The following SRRM3 variants were observed in gnomAD, a reference collection of about 807,000 sequenced individuals.
SRRM3 encodes the protein serine/arginine repetitive matrix protein 3.
A neutral mutation model predicts 66.2 loss-of-function variants in SRRM3; 27 were observed. The observed-to-expected ratio is 0.41, with a 90% CI of 0.30 to 0.56. SRRM3 has a LOEUF of 0.56. Among genes scored for constraint, SRRM3 ranks in the 20% least tolerant of loss-of-function variants. The probability of loss-of-function intolerance (pLI) is 0.32; values close to 1 mark genes in which losing one functional copy is unlikely to be tolerated. For synonymous variants in SRRM3, 391 were observed against 414.9 expected (o/e 0.94, Z 0.70); for missense variants, 918 against 991.9 (o/e 0.93, Z 1.00).
intron 12 of SRRM3, 122 bp downstream of exon 12, chr7:76,281,924 C>A (rs1802523743): frequency 2.7e-6 from 2 of 746,118 alleles, no homozygotes; most frequent in South Asian, 4.4e-5. Context: ...GGATCCCAAC[C>A]CCCTCCCACC....
At chr7:76,209,185 C>T (rs1353864026) in intron 1 of SRRM3, among the ~76,000 whole-genome samples, 1 of 152,200 alleles carries the variant, frequency 6.6e-6, no homozygotes, top group Non-Finnish European at 1.5e-5. Flanking sequence ...ATACAATCGA[C>T]ATTTAATGAG....
rs780546077 is a variant in SRRM3 at position 76,264,823 on chromosome 7, C to A, written c.725+8C>A. ...GAACAAAGAGAAGAAGAGGTAAGCG[C>A]CCTCCCTACTCTCCAGCCCCCCATT... On this transcript the variant is annotated splice_region_variant and intron_variant, in intron 9 of 14. Coordinates refer to ENST00000611745, the MANE Select transcript of SRRM3 (RefSeq NM_001110199.3). 3.1e-6 allele frequency: 5 copies of A among 1,613,438 alleles called. No homozygotes were observed. The highest frequency in any genetic ancestry group is 4.2e-6 in the Non-Finnish European group (5 of 1,179,784).
At chr7:76,277,958 C>G (rs190203824) in intron 11 of SRRM3, among the ~76,000 whole-genome samples, 4 of 152,320 alleles carry the variant, frequency 2.6e-5, no homozygotes, top group African/African-American at 9.6e-5. Flanking sequence ...AAGCTTCCCC[C>G]ACCTCATATG....
chr7:76,215,185 T>G (rs1583869583), intron 1 of SRRM3, among the ~76,000 whole-genome samples: 2 of 152,040 alleles, frequency 1.3e-5, no homozygotes, highest in Non-Finnish European at 2.9e-5. Context: ...TATGCCTGTT[T>G]TAAAGCACAA....
chr7:76,275,896 A>C (rs927043583), intron 11 of SRRM3, among the ~76,000 whole-genome samples: 98 of 152,126 alleles, frequency 6.4e-4, no homozygotes, highest in African/African-American at 2.3e-3. Flanking sequence ...GCAACACAGC[A>C]AGACCCCATC....
rs782202056 is a variant in SRRM3, at chr7:76,248,266, G to A, written c.312G>A (p.Arg104=). The change falls in exon 3 of 15, where the codon AGG becomes AGA. Residue 104 remains arginine (R), a synonymous_variant. Transcript: ENST00000611745. ...MLMEKEGVLT[R]EDRPGGHIVA... ...TGGAGAAGGAGGGAGTGCTCACCAG[G>A]GAGGACCGGCCTGGGGGCCACATGT... 1.2e-6 allele frequency: 2 copies of A among 1,613,806 alleles called. No individual in the cohort carries two copies. The highest frequency in any genetic ancestry group is 8.5e-7 in the Non-Finnish European group (1 of 1,179,810).
chr7:76,283,689 C>T, intron 14 of SRRM3: 1 of 814,832 alleles, frequency 1.2e-6, no homozygotes, highest in Non-Finnish European at 1.8e-6. Flanking sequence ...GGGGGCACAG[C>T]AGTCTGGTCT....
At chr7:76,205,549 A>G (rs543161714) in intron 1 of SRRM3, among the ~76,000 whole-genome samples, 6 of 151,934 alleles carry the variant, frequency 3.9e-5, no homozygotes, top group Non-Finnish European at 8.8e-5. Context: ...AAACTCTCCT[A>G]TTTTCCCCAA....
chr7:76,239,143 C>T (rs148100501), intron 2 of SRRM3, among the ~76,000 whole-genome samples: 10,216 of 151,554 alleles, frequency 0.067, no homozygotes, highest in African/African-American at 0.18. Context: ...AGCCATTCTC[C>T]TGCCTCAGCC....
chr7:76,260,875 A>G lies in SRRM3; in HGVS notation c.547A>G (p.Lys183Glu). 1 of 1,560,522 alleles carries G rather than the reference A, an allele frequency of 6.4e-7. No individual in the cohort carries two copies. Among genetic ancestry groups the G allele is most frequent in the Non-Finnish European group, 8.7e-7 (1 of 1,151,746 alleles). ...TTTCTTCCTGGCATCTGCCCTCAGC[A>G]AAAAGAGGAGACTGGAGTCCGAATG... ...KKKGGHRRSR[K>E]KRRLESECSC... The change falls in exon 6 of 15, where the codon AAA becomes GAA. Residue 183 changes from lysine to glutamate, a missense_variant and splice_region_variant. Physicochemically the swap from Lys to Glu is moderately conservative, Grantham distance 56 (BLOSUM62 1). Transcript: ENST00000611745.
chr7:76,277,837 C>T (rs1802394235), intron 11 of SRRM3, among the ~76,000 whole-genome samples: 1 of 152,122 alleles, frequency 6.6e-6, no homozygotes, highest in African/African-American at 2.4e-5. Flanking sequence ...TTCCTAAGTT[C>T]CGTACTCTGC....
intron 1 of SRRM3, among the ~76,000 whole-genome samples, chr7:76,230,896 G>A (rs1259309733): frequency 2.6e-5 from 4 of 151,684 alleles, no homozygotes; most frequent in African/African-American, 7.3e-5. Flanking sequence ...GATTACAGGC[G>A]CCCACCATCA....
intron 2 of SRRM3, among the ~76,000 whole-genome samples, chr7:76,239,046 C>T (rs2117006630): frequency 6.6e-6 from 1 of 152,036 alleles, no homozygotes; most frequent in East Asian, 1.9e-4. Context: ...GTTTGTTTTT[C>T]CCTTAGGCGG....
chr7:76,243,903 G>T (rs1022976342), intron 2 of SRRM3, among the ~76,000 whole-genome samples: 1 of 152,316 alleles, frequency 6.6e-6, no homozygotes, highest in South Asian at 2.1e-4. Flanking sequence ...TCTGCTGGGG[G>T]GGTGGGGCAC....
At chr7:76,213,074 A>C (rs1800475415) in intron 1 of SRRM3, among the ~76,000 whole-genome samples, 2 of 123,542 alleles carry the variant, frequency 1.6e-5, no homozygotes, top group East Asian at 5.1e-4. Context: ...CAATGGCGTG[A>C]TCTCAGCTCA....
chr7:76,214,493 C>A (rs1417204640), intron 1 of SRRM3, among the ~76,000 whole-genome samples: 1 of 152,264 alleles, frequency 6.6e-6, no homozygotes, highest in East Asian at 1.9e-4. Flanking sequence ...AGCTGTGCTC[C>A]TCAGAGTTGA....
At chr7:76,265,270 C>T in intron 9 of SRRM3, 94 bp from the exon 10 acceptor site, 1 of 830,320 alleles carries the variant, frequency 1.2e-6, no homozygotes, top group South Asian at 1.9e-5. Flanking sequence ...TAGGGTTCCA[C>T]TGGGATCCTG....
intron 2 of SRRM3, among the ~76,000 whole-genome samples, chr7:76,237,187 C>A (rs145644139): frequency 4.6e-5 from 7 of 152,288 alleles, no homozygotes; most frequent in East Asian, 3.9e-4. Context: ...GCGGGCAGAT[C>A]GTGAGGTCAG....
chr7:76,242,755 C>T (rs1000964507), intron 2 of SRRM3, among the ~76,000 whole-genome samples: 29 of 152,162 alleles, frequency 1.9e-4, no homozygotes, highest in African/African-American at 6.8e-4. Context: ...GTGCAACCTA[C>T]ATCCCTCGCA....
Sources: allele counts gnomAD v4.1 joint callset (sites outside exome capture counted in the v4.1 genomes callset), GRCh38; gene constraint gnomAD v4.1.1; transcripts MANE v1.5; gene names NCBI Gene and HGNC (gene_info 2026-07-23, HGNC 2026-07-21).